ABCG2: variants seen among roughly 807,000 people sequenced by gnomAD.
The protein encoded by ABCG2 is broad substrate specificity ATP-binding cassette transporter ABCG2.
ABCG2 carries 80 observed loss-of-function variants against 73.5 expected under a neutral mutation model. That is an observed-to-expected ratio of 1.09 (90% CI 0.91 to 1.31). The LOEUF (loss-of-function observed/expected upper bound fraction) is 1.31. Ranked by LOEUF, ABCG2 falls within the 50% of genes most tolerant of loss-of-function variation. ABCG2 has a pLI of 0.00. For synonymous variants in ABCG2, 269 were observed against 282.4 expected, an observed-to-expected ratio of 0.95 and a Z score of 0.48; for missense variants, 796 against 786.2, an observed-to-expected ratio of 1.01 and a Z score of -0.15.
intron 5 of ABCG2, among the ~76,000 whole-genome samples, chr4:88,122,887 G>T (rs902650717): frequency 1.3e-5 from 2 of 152,192 alleles, no homozygotes; most frequent in Non-Finnish European, 2.9e-5. Flanking sequence ...TCCCAGCAGG[G>T]GTCGACAGAC....
At chr4:88,213,325 C>G (rs1412312092) in intron 1 of ABCG2, among the ~76,000 whole-genome samples, 4 of 152,274 alleles carry the variant, frequency 2.6e-5, no homozygotes, top group South Asian at 2.1e-4. Context: ...AACACCGAAA[C>G]ATTTTCATCT....
chr4:88,100,077 A>G (rs115322989), intron 11 of ABCG2, among the ~76,000 whole-genome samples: 357 of 151,532 alleles, frequency 2.4e-3, no homozygotes, highest in African/African-American at 8.0e-3. Context: ...TTCCTTCATT[A>G]TTTCCCTTTC....
chr4:88,188,957 G>A (rs373518233), intron 1 of ABCG2, among the ~76,000 whole-genome samples: 5 of 152,064 alleles, frequency 3.3e-5, no homozygotes, highest in South Asian at 4.2e-4. Flanking sequence ...AGGCTGCAAC[G>A]AGCCAAGATT....
intron 2 of ABCG2, among the ~76,000 whole-genome samples, chr4:88,137,935 A>T (rs2869732): frequency 6.6e-6 from 1 of 151,972 alleles, no homozygotes; most frequent in Non-Finnish European, 1.5e-5. Flanking sequence ...TGGGAGGATC[A>T]CTTAAGCCCA....
chr4:88,161,043 G>T (rs1305320082), upstream of ABCG2, among the ~76,000 whole-genome samples: 2 of 151,826 alleles, frequency 1.3e-5, no homozygotes, highest in East Asian at 3.9e-4. Context: ...TACACTGGGT[G>T]TGGTGGCTTA....
chr4:88,152,272 T>G (rs1726546399), intron 1 of ABCG2, among the ~76,000 whole-genome samples: 1 of 152,180 alleles, frequency 6.6e-6, no homozygotes, highest in African/African-American at 2.4e-5. Flanking sequence ...GAATCCAAGT[T>G]GGCAAATACA....
chr4:88,212,798 C>G (rs1407643996), intron 1 of ABCG2, among the ~76,000 whole-genome samples: 1 of 152,194 alleles, frequency 6.6e-6, no homozygotes, highest in East Asian at 1.9e-4. Flanking sequence ...ACCACAAACC[C>G]TACTTAAATT....
intron 1 of ABCG2, among the ~76,000 whole-genome samples, chr4:88,165,171 G>C (rs1477958612): frequency 6.6e-6 from 1 of 152,124 alleles, no homozygotes; most frequent in Non-Finnish European, 1.5e-5. Flanking sequence ...TGAGGGTATG[G>C]GTGTGAATGG....
chr4:88,108,169 T>C (rs1377354353), intron 9 of ABCG2, among the ~76,000 whole-genome samples: 1 of 152,072 alleles, frequency 6.6e-6, no homozygotes, highest in Non-Finnish European at 1.5e-5. Flanking sequence ...AAGGGTTACG[T>C]TATGATATAA....
At chr4:88,115,118 C>G in intron 7 of ABCG2, 60 bp from the exon 8 acceptor site, 1 of 1,211,118 alleles carries the variant, frequency 8.3e-7, no homozygotes, top group Non-Finnish European at 1.2e-6. Context: ...AAAGAGAACT[C>G]ACTTTCAGAG....
At chr4:88,145,269 A>G (rs1365588622) in intron 1 of ABCG2, among the ~76,000 whole-genome samples, 5 of 152,246 alleles carry the variant, frequency 3.3e-5, no homozygotes, top group Admixed American at 3.3e-4. Flanking sequence ...TAGCAGTGGA[A>G]AGGAAAAGGA....
At position 88,097,406 on chromosome 4, in the gene ABCG2, A is replaced by C. The variant is rs370459574; in HGVS notation, c.1647+47T>G. The C allele has an allele frequency of 2.5e-5, 40 of 1,595,714 alleles. No individual in the cohort carries two copies. In the African/African-American group the frequency reaches 3.8e-4, roughly 15 times the overall value. On this transcript the variant is annotated intron_variant, in intron 13 of 15. Transcript: ENST00000237612. ...ACAAGTGAATGTGCAGGAAGAAATGAAGGAAAAAAACAATTCCTTATCAGA... is the reference window on the plus strand; with the variant it reads ...ACAAGTGAATGTGCAGGAAGAAATGCAGGAAAAAAACAATTCCTTATCAGA...
chr4:88,156,329 C>G (rs2622603), intron 1 of ABCG2, among the ~76,000 whole-genome samples: 58,643 of 142,464 alleles, frequency 0.41, 12,871 homozygotes, highest in East Asian at 0.66. Context: ...GAGCCGAGAT[C>G]GTGCCACTGC....
At chr4:88,166,237 C>T (rs1727513326) in intron 1 of ABCG2, among the ~76,000 whole-genome samples, 1 of 152,178 alleles carries the variant, frequency 6.6e-6, no homozygotes, top group Non-Finnish European at 1.5e-5. Flanking sequence ...AGTAAGGAGA[C>T]TTTACTGCCA....
At chr4:88,126,534 T>G (rs1724419364) in intron 5 of ABCG2, among the ~76,000 whole-genome samples, 1 of 152,150 alleles carries the variant, frequency 6.6e-6, no homozygotes, top group Non-Finnish European at 1.5e-5. Flanking sequence ...CTCAATAAAC[T>G]ACTGGCAAAC....
At chr4:88,159,544 G>A (rs1374938439), upstream of ABCG2, among the ~76,000 whole-genome samples, 1 of 147,860 alleles carries the variant, frequency 6.8e-6, no homozygotes, top group Non-Finnish European at 1.5e-5. Flanking sequence ...CGCATGTTCA[G>A]GAAACGGGCC....
At chr4:88,124,126 C>T (rs1479128118) in intron 5 of ABCG2, among the ~76,000 whole-genome samples, 1 of 152,298 alleles carries the variant, frequency 6.6e-6, no homozygotes, top group Admixed American at 6.5e-5. Context: ...GGGATTTTGT[C>T]ACCACCAGGC....
chr4:88,194,270 G>T (rs1728837181), intron 1 of ABCG2, among the ~76,000 whole-genome samples: 1 of 151,316 alleles, frequency 6.6e-6, no homozygotes. Flanking sequence ...TGTGGGTGCG[G>T]CCGGGCACTG....
intron 1 of ABCG2, among the ~76,000 whole-genome samples, chr4:88,200,992 GA>G (rs972584320): frequency 8.0e-5 from 12 of 150,504 alleles, no homozygotes; most frequent in Non-Finnish European, 1.6e-4. Flanking sequence ...ACATATATTA[GA>G]AAAAAAAGAC....
Sources: gnomAD v4.1 joint callset for allele counts (sites outside exome capture counted in the v4.1 genomes callset) on GRCh38, gnomAD v4.1.1 for gene constraint, MANE v1.5 for transcripts, NCBI Gene and HGNC (gene_info 2026-07-23, HGNC 2026-07-21) for gene names.